The following ADCY2 variants were observed in gnomAD, a reference collection of about 807,000 sequenced individuals.
ADCY2 encodes the protein adenylate cyclase type 2.
Under a neutral mutation model 125.2 loss-of-function variants are expected in ADCY2, and 31 were observed. The ratio of observed to expected loss-of-function variants is 0.25; its 90% CI spans 0.19 to 0.33. ADCY2 has a LOEUF of 0.33. Among genes scored for constraint, ADCY2 ranks in the 10% least tolerant of loss-of-function variants. The pLI, the probability that ADCY2 is intolerant of heterozygous loss-of-function variation, is 1.00. For synonymous variants in ADCY2, 512 were observed against 548.4 expected (o/e 0.93, Z 0.93); for missense variants, 904 against 1,418.2 (o/e 0.64, Z 5.82).
intron 16 of ADCY2, among the ~76,000 whole-genome samples, chr5:7,759,949 C>T (rs796178721): frequency 5.5e-4 from 84 of 152,184 alleles, no homozygotes; most frequent in African/African-American, 1.9e-3. Flanking sequence ...TTGCTATGGT[C>T]CCAGAGCTTT....
chr5:7,629,023 G>T (rs1021045224), intron 4 of ADCY2, among the ~76,000 whole-genome samples: 1 of 152,120 alleles, frequency 6.6e-6, no homozygotes, highest in Non-Finnish European at 1.5e-5. Flanking sequence ...ACCACCTTTC[G>T]CTTCATCCAC....
intron 24 of ADCY2, 92 bp from the exon 25 acceptor site, chr5:7,826,627 A>T (rs1745487640): frequency 1.3e-6 from 2 of 1,536,090 alleles, no homozygotes; most frequent in Admixed American, 1.7e-5. Context: ...GTCAAAGAGC[A>T]TGGTGCTTTT....
chr5:7,425,455 A>G (rs1199830539), intron 2 of ADCY2, among the ~76,000 whole-genome samples: 1 of 152,238 alleles, frequency 6.6e-6, no homozygotes, highest in Non-Finnish European at 1.5e-5. Context: ...CTCCATCAGA[A>G]CAGAGCTGTG....
intron 3 of ADCY2, among the ~76,000 whole-genome samples, chr5:7,578,243 G>A (rs1736315563): frequency 6.6e-6 from 1 of 152,218 alleles, no homozygotes; most frequent in African/African-American, 2.4e-5. Context: ...ATGTCTGAGA[G>A]CACTTTGAGA....
chr5:7,597,502 C>G (rs1358406204), intron 3 of ADCY2, among the ~76,000 whole-genome samples: 6 of 152,340 alleles, frequency 3.9e-5, no homozygotes, highest in Admixed American at 6.5e-5. Flanking sequence ...TGGCCAGGCG[C>G]AGTGGCTCAC....
Position 7,653,481 on chromosome 5 carries a change from G to A in ADCY2, c.720+27165G>A, listed in dbSNP as rs1739172077. Among the ~76,000 whole-genome samples the A allele has an allele frequency of 2.0e-5, 3 of 152,156 alleles. No homozygotes were observed. In the South Asian group the frequency reaches 6.2e-4, roughly 32 times the overall value. ...TAATTAGCCAGGCGTGGTGGCGGGC[G>A]CCTGTGGTCCCAGCTACTCAGGAGG... is the stretch of plus-strand genomic sequence containing the variant. On this transcript the variant is annotated intron_variant, in intron 4 of 24. Coordinates refer to ENST00000338316, the MANE Select transcript of ADCY2 (RefSeq NM_020546.3).
At chr5:7,613,359 C>A (rs1454133586) in intron 3 of ADCY2, among the ~76,000 whole-genome samples, 1 of 152,146 alleles carries the variant, frequency 6.6e-6, no homozygotes, top group Non-Finnish European at 1.5e-5. Flanking sequence ...TAATGAATGA[C>A]ACCTCATGAA....
chr5:7,488,216 T>G (rs748293637), intron 2 of ADCY2, among the ~76,000 whole-genome samples: 1 of 152,110 alleles, frequency 6.6e-6, no homozygotes, highest in Non-Finnish European at 1.5e-5. Context: ...CTGATGGTTT[T>G]ATAAATAGAG....
At chr5:7,598,233 G>A (rs1467560834) in intron 3 of ADCY2, among the ~76,000 whole-genome samples, 1 of 152,122 alleles carries the variant, frequency 6.6e-6, no homozygotes, top group African/African-American at 2.4e-5. Context: ...GGGAAAGGTG[G>A]GAGTGGGAGC....
intron 3 of ADCY2, among the ~76,000 whole-genome samples, chr5:7,585,299 A>G (rs536110938): frequency 2.0e-5 from 3 of 152,292 alleles, no homozygotes; most frequent in Non-Finnish European, 2.9e-5. Flanking sequence ...CCATGCCTCT[A>G]TGTTGTTTTG....
intron 2 of ADCY2, among the ~76,000 whole-genome samples, chr5:7,507,814 A>T (rs148638794): frequency 6.6e-6 from 1 of 152,156 alleles, no homozygotes; most frequent in East Asian, 1.9e-4. Context: ...ACCTTCAGGG[A>T]TTATGTATGA....
At chr5:7,541,039 A>G (rs778049768) in intron 3 of ADCY2, among the ~76,000 whole-genome samples, 1 of 152,188 alleles carries the variant, frequency 6.6e-6, no homozygotes, top group Non-Finnish European at 1.5e-5. Flanking sequence ...CCTCCTGACC[A>G]GTGTGCATGA....
chr5:7,554,261 G>T (rs1291709168), intron 3 of ADCY2, among the ~76,000 whole-genome samples: 1 of 152,162 alleles, frequency 6.6e-6, no homozygotes, highest in African/African-American at 2.4e-5. Flanking sequence ...AGTAAATAAA[G>T]GGATTTGTCT....
At chr5:7,661,700 G>A (rs1035748238) in intron 4 of ADCY2, among the ~76,000 whole-genome samples, 2 of 152,144 alleles carry the variant, frequency 1.3e-5, no homozygotes, top group Non-Finnish European at 2.9e-5. Context: ...CAGCTGATCT[G>A]TCTCCATCTG....
chr5:7,776,357 C>T (rs142765263), intron 18 of ADCY2, among the ~76,000 whole-genome samples: 3 of 152,254 alleles, frequency 2.0e-5, no homozygotes, highest in African/African-American at 4.8e-5. Flanking sequence ...GAAGTCACGG[C>T]ATTTTGTCCC....
intron 4 of ADCY2, among the ~76,000 whole-genome samples, chr5:7,680,286 T>C (rs10462844): frequency 0.44 from 67,501 of 152,030 alleles, 15,753 homozygotes; most frequent in East Asian, 0.83. Context: ...ACTGGACAGA[T>C]GCTGCTAAAT....
At chr5:7,661,063 A>T (rs1739511789) in intron 4 of ADCY2, among the ~76,000 whole-genome samples, 1 of 151,898 alleles carries the variant, frequency 6.6e-6, no homozygotes, top group African/African-American at 2.4e-5. Flanking sequence ...GTTTTTTTTT[A>T]ATTTTCTTTG....
chr5:7,528,949 T>G (rs1453943902), intron 3 of ADCY2, among the ~76,000 whole-genome samples: 3 of 152,086 alleles, frequency 2.0e-5, no homozygotes. Flanking sequence ...CCAATGAGAG[T>G]CACACAGGAC....
At chr5:7,607,142 C>T (rs1263283120) in intron 3 of ADCY2, among the ~76,000 whole-genome samples, 2 of 152,204 alleles carry the variant, frequency 1.3e-5, no homozygotes, top group African/African-American at 2.4e-5. Context: ...AGTTGCTCAT[C>T]TCTCTTTCCT....
Sources: allele counts gnomAD v4.1 joint callset (sites outside exome capture counted in the v4.1 genomes callset), GRCh38; gene constraint gnomAD v4.1.1; transcripts MANE v1.5; gene names NCBI Gene and HGNC (gene_info 2026-07-23, HGNC 2026-07-21).